PAK2: variants seen among roughly 807,000 people sequenced by gnomAD.
PAK2 encodes the protein serine/threonine-protein kinase PAK 2.
In PAK2, 21 loss-of-function variants were observed where a neutral mutation model predicts 65.9. The observed-to-expected ratio is 0.32, with a 90% CI of 0.23 to 0.46. PAK2 has a LOEUF of 0.46. Ranked by LOEUF, PAK2 falls within the 20% of genes least tolerant of loss-of-function variation. The probability of loss-of-function intolerance (pLI) is 1.00; values close to 1 mark genes in which losing one functional copy is unlikely to be tolerated. For missense variants in PAK2, 324 were observed against 642.6 expected, an observed-to-expected ratio of 0.50 and a Z score of 5.36; for synonymous variants, 204 against 219.7, an observed-to-expected ratio of 0.93 and a Z score of 0.63.
At chr3:196,821,905 A>G (rs1222709839) in intron 13 of PAK2, among the ~76,000 whole-genome samples, 1 of 152,226 alleles carries the variant, frequency 6.6e-6, no homozygotes, top group Non-Finnish European at 1.5e-5. Context: ...ACAGAAGTGG[A>G]AATAATTCAA....
At chr3:196,749,216 CAA>C (rs1269739670) in intron 1 of PAK2, among the ~76,000 whole-genome samples, 5 of 152,004 alleles carry the variant, frequency 3.3e-5, no homozygotes, top group African/African-American at 1.2e-4. Context: ...CATGGGTGTA[CAA>C]ATACCTCTTT....
chr3:196,806,056 C>T (rs896935349), intron 5 of PAK2, among the ~76,000 whole-genome samples: 2 of 151,876 alleles, frequency 1.3e-5, no homozygotes, highest in African/African-American at 2.4e-5. Flanking sequence ...GGACTACAGG[C>T]GCCTGCCACC....
chr3:196,747,187 TTAACAA>T (rs1713413628), intron 1 of PAK2: 1 of 151,868 alleles, frequency 6.6e-6, no homozygotes, highest in Non-Finnish European at 1.5e-5. Flanking sequence ...TTTTTTGTTG[TTAACAA>T]TGTTAACATT....
At chr3:196,793,364 C>T (rs990856421) in intron 2 of PAK2, among the ~76,000 whole-genome samples, 11 of 152,122 alleles carry the variant, frequency 7.2e-5, no homozygotes, top group African/African-American at 2.4e-4. Flanking sequence ...CAGCCTGACT[C>T]ACAGCCTCAG....
chr3:196,783,453 G>A (rs916044676), intron 2 of PAK2, among the ~76,000 whole-genome samples: 49 of 151,664 alleles, frequency 3.2e-4, no homozygotes, highest in Non-Finnish European at 5.2e-4. Context: ...ACAGTGGCTC[G>A]TGCCTGTAAT....
chr3:196,781,773 G>C (rs1943373675), intron 1 of PAK2, among the ~76,000 whole-genome samples: 1 of 152,158 alleles, frequency 6.6e-6, no homozygotes, highest in African/African-American at 2.4e-5. Flanking sequence ...TTCGAGACCA[G>C]CCTGGGCAAC....
intron 1 of PAK2, among the ~76,000 whole-genome samples, chr3:196,758,197 T>A (rs549017948): frequency 6.6e-6 from 1 of 152,324 alleles, no homozygotes; most frequent in South Asian, 2.1e-4. Flanking sequence ...CCTGTGGAGT[T>A]TATACGTAGT....
intron 11 of PAK2, 143 bp downstream of exon 11, chr3:196,814,711 G>A (rs2108767798): frequency 3.4e-6 from 2 of 589,860 alleles, no homozygotes; most frequent in Admixed American, 3.7e-5. Context: ...CCATCTCCGT[G>A]CCATTTCATC....
chr3:196,741,814 G>T (rs906592681), intron 1 of PAK2, among the ~76,000 whole-genome samples: 1 of 151,794 alleles, frequency 6.6e-6, no homozygotes, highest in African/African-American at 2.4e-5. Context: ...TTTTGTTGGA[G>T]TTTGAAACTT....
chr3:196,782,891 C>T, intron 2 of PAK2, 58 bp downstream of exon 2: 7 of 1,159,718 alleles, frequency 6.0e-6, no homozygotes, highest in South Asian at 1.5e-5. Flanking sequence ...GTATGTTACC[C>T]ATGTTGATAA....
At position 196,820,718 on chromosome 3, in the gene PAK2, C is replaced by G; in HGVS notation, c.1350+151C>G. 2 of 451,908 alleles carry G rather than the reference C, an allele frequency of 4.4e-6. No individual in the cohort carries two copies. The highest frequency in any genetic ancestry group is 7.8e-6 in the Non-Finnish European group (2 of 255,436). 28.0% of individuals were successfully genotyped at this position (451,908 alleles called of 1,614,324 possible). On this transcript the variant is annotated intron_variant, in intron 13 of 14. Coordinates refer to ENST00000327134, the MANE Select transcript of PAK2 (RefSeq NM_002577.4). This position sits in a 1 kb window ranked among gnomAD's most constrained non-coding sequence, Gnocchi z 4.6. ...TAACTCTGCATCTAGAAATCATTTG[C>G]TCTCTGAGTTACAAATTAATGTGTT...
At chr3:196,787,697 GGAA>G (rs1303868868) in intron 2 of PAK2, among the ~76,000 whole-genome samples, 2 of 152,218 alleles carry the variant, frequency 1.3e-5, no homozygotes, top group Non-Finnish European at 2.9e-5. Context: ...CTGTTTACAG[GGAA>G]GTTTAGTTGC....
intron 13 of PAK2, among the ~76,000 whole-genome samples, chr3:196,826,448 A>C (rs956290447): frequency 2.0e-5 from 3 of 151,838 alleles, no homozygotes; most frequent in African/African-American, 7.3e-5. Flanking sequence ...CTGGGATTAC[A>C]GGCGTGAGCC....
rs1711971425 is a variant in PAK2 at position 196,828,868 on chromosome 3, T to A, written c.*463T>A. On this transcript the variant is annotated 3_prime_UTR_variant, in exon 15 of 15. Coordinates refer to ENST00000327134, the MANE Select transcript of PAK2 (RefSeq NM_002577.4). ...GCTCCTTTTGAGTTGCTTTTGCGTTTCTCATGCCTAGGCAAGTGTAATAGA... is the reference window on the plus strand; with the variant it reads ...GCTCCTTTTGAGTTGCTTTTGCGTTACTCATGCCTAGGCAAGTGTAATAGA... The A allele has an allele frequency of 1.2e-5, 2 of 164,762 alleles. No individual in the cohort carries two copies. The highest frequency in any genetic ancestry group is 2.6e-5 in the Non-Finnish European group (2 of 76,980). 10.2% of individuals were successfully genotyped at this position (164,762 alleles called of 1,614,324 possible). A position where few individuals can be genotyped will look rare whatever the true frequency, so the allele number is the denominator to read the frequency against.
intron 11 of PAK2, among the ~76,000 whole-genome samples, chr3:196,816,914 T>TA (rs1716044918): frequency 6.6e-6 from 1 of 152,146 alleles, no homozygotes; most frequent in Admixed American, 6.6e-5. Flanking sequence ...AAGTTGTAGA[T>TA]ACAGCTTAAT....
intron 1 of PAK2, among the ~76,000 whole-genome samples, chr3:196,759,907 G>C (rs996248428): frequency 6.6e-6 from 1 of 152,026 alleles, no homozygotes; most frequent in African/African-American, 2.4e-5. Context: ...CACCACCTCA[G>C]AGAGAAATAC....
At chr3:196,811,085 G>A (rs1181875026) in intron 8 of PAK2, among the ~76,000 whole-genome samples, 1 of 151,550 alleles carries the variant, frequency 6.6e-6, no homozygotes, top group African/African-American at 2.4e-5. Flanking sequence ...TTTTTCTGTT[G>A]CTTGGAAGCA....
intron 1 of PAK2, among the ~76,000 whole-genome samples, chr3:196,755,572 C>A (rs1365542147): frequency 6.6e-6 from 1 of 151,836 alleles, no homozygotes; most frequent in Non-Finnish European, 1.5e-5. Context: ...GACTCTCCTG[C>A]CTTAGCCTCC....
chr3:196,788,773 G>T (rs1577722583), intron 2 of PAK2, among the ~76,000 whole-genome samples: 2 of 152,184 alleles, frequency 1.3e-5, no homozygotes, highest in African/African-American at 4.8e-5. Context: ...TTCCATGCCC[G>T]GGAAGAGCCT....
Sources: gnomAD v4.1 joint callset for allele counts (sites outside exome capture counted in the v4.1 genomes callset) on GRCh38, gnomAD v4.1.1 for gene constraint, Gnocchi (gnomAD v3.1) non-coding constraint, MANE v1.5 for transcripts, NCBI Gene and HGNC (gene_info 2026-07-23, HGNC 2026-07-21) for gene names.